GLCCI1: variants seen among roughly 807,000 people sequenced by gnomAD.
GLCCI1 encodes glucocorticoid induced 1.
In GLCCI1, 24 loss-of-function variants were observed where a neutral mutation model predicts 52.2. The observed-to-expected ratio is 0.46, with a 90% CI of 0.33 to 0.65. GLCCI1 has a LOEUF of 0.65. GLCCI1 is among the 30% of genes least tolerant of loss of function. GLCCI1 has a pLI of 0.02. For synonymous variants in GLCCI1, 310 were observed against 276.5 expected, an observed-to-expected ratio of 1.12 and a Z score of -1.20; for missense variants, 704 against 701.5, an observed-to-expected ratio of 1.00 and a Z score of -0.04.
intron 1 of GLCCI1, among the ~76,000 whole-genome samples, chr7:7,976,356 A>G (rs904182455): frequency 6.6e-6 from 1 of 151,322 alleles, no homozygotes; most frequent in Non-Finnish European, 1.5e-5. Context: ...GTACACCTCT[A>G]TAATCCCAGT....
chr7:8,073,529 G>C (rs1209363846), intron 6 of GLCCI1, among the ~76,000 whole-genome samples: 3 of 151,806 alleles, frequency 2.0e-5, no homozygotes, highest in African/African-American at 7.3e-5. Flanking sequence ...TGTAAAATGA[G>C]AACATTGGTT....
intron 5 of GLCCI1, among the ~76,000 whole-genome samples, chr7:8,061,354 C>G (rs1365643377): frequency 1.3e-5 from 2 of 152,130 alleles, no homozygotes; most frequent in African/African-American, 4.8e-5. Context: ...TCCACCTCGG[C>G]CTCCCAAAGT....
At chr7:7,984,206 A>G (rs37985) in intron 1 of GLCCI1, among the ~76,000 whole-genome samples, 114,390 of 151,996 alleles carry the variant, frequency 0.75, 43,471 homozygotes, top group African/African-American at 0.86. Context: ...GACCACAGGC[A>G]TGTGCCACCA....
chr7:8,041,153 A>G (rs984707736), intron 3 of GLCCI1, among the ~76,000 whole-genome samples: 1 of 152,190 alleles, frequency 6.6e-6, no homozygotes, highest in Non-Finnish European at 1.5e-5. Context: ...AACAAAGCAA[A>G]ACAGCATTAT....
chr7:7,977,357 G>C (rs1213678457), intron 1 of GLCCI1, among the ~76,000 whole-genome samples: 2 of 152,182 alleles, frequency 1.3e-5, no homozygotes, highest in Admixed American at 6.5e-5. Context: ...ATTTGCTTTT[G>C]GGATTATTTC....
rs141346816 is a variant in GLCCI1, at chr7:7,975,053, A to C, written c.457+5246A>C. ...ACAAGTACTCATATATTGATATAGAAAGCCTAGGGAACTGATGGAAGGCAG... is the reference window on the plus strand; with the variant it reads ...ACAAGTACTCATATATTGATATAGACAGCCTAGGGAACTGATGGAAGGCAG... On this transcript the variant is annotated intron_variant, in intron 1 of 7. Transcript: ENST00000223145. Among the ~76,000 whole-genome samples the C allele has an allele frequency of 3.0e-3, 459 of 152,280 alleles. 2 individuals are homozygous for C. The highest frequency in any genetic ancestry group is 0.011 in the African/African-American group (441 of 41,556).
chr7:8,077,051 G>C (rs1358361094), intron 6 of GLCCI1, among the ~76,000 whole-genome samples: 1 of 152,190 alleles, frequency 6.6e-6, no homozygotes, highest in Non-Finnish European at 1.5e-5. Flanking sequence ...TGGTGGGAAA[G>C]AGGCCATGAA....
chr7:7,969,743 C>T lies in GLCCI1; in HGVS notation c.393C>T (p.Ser131=). The change falls in exon 1 of 8, where the codon TCC becomes TCT. Residue 131 remains serine, a synonymous_variant. Transcript: ENST00000223145. This position sits in a 1 kb window ranked among gnomAD's most constrained non-coding sequence, Gnocchi z 4.9. ...APRAKGRPRR[S]PESHRRSSSP... is the part of the protein sequence containing the mutation. ...GGGCCAAGGGCCGCCCGAGACGGTC[C>T]CCAGAGAGCCACCGGAGGAGCAGCT... The T allele has an allele frequency of 1.4e-6, 2 of 1,467,864 alleles. No individual in the cohort carries two copies. The highest frequency in any genetic ancestry group is 9.0e-7 in the Non-Finnish European group (1 of 1,112,714). 90.9% of individuals were successfully genotyped at this position (1,467,864 alleles called of 1,614,324 possible). A position where few individuals can be genotyped will look rare whatever the true frequency, so the allele number is the denominator to read the frequency against.
At chr7:8,081,578 G>T (rs904458343) in intron 6 of GLCCI1, among the ~76,000 whole-genome samples, 9 of 151,960 alleles carry the variant, frequency 5.9e-5, no homozygotes, top group Middle Eastern at 3.2e-3. Flanking sequence ...AAGAAGTGTG[G>T]GCCCCACAAT....
intron 6 of GLCCI1, among the ~76,000 whole-genome samples, chr7:8,076,728 A>G (rs1367542583): frequency 2.0e-5 from 3 of 152,142 alleles, no homozygotes; most frequent in Non-Finnish European, 2.9e-5. Context: ...TTGTTTGTCT[A>G]TTTACCATGA....
At chr7:7,992,594 G>A (rs927162360) in intron 1 of GLCCI1, among the ~76,000 whole-genome samples, 25 of 151,888 alleles carry the variant, frequency 1.6e-4, no homozygotes, top group East Asian at 7.7e-4. Context: ...TGTCCTTTCC[G>A]TATGTCCTTT....
At position 7,969,909 on chromosome 7, in the gene GLCCI1, C is replaced by G. The variant is rs1052825825; in HGVS notation, c.457+102C>G. 1.2e-5 allele frequency: 14 copies of G among 1,124,628 alleles called. No individual in the cohort carries two copies. In the African/African-American group the frequency reaches 2.2e-4, roughly 18 times the overall value. The allele number at this position is 1,124,628 out of a possible 1,614,324, so 69.7% of individuals were successfully genotyped here. ...GGGCTTCTCTTTGCTAGTGCATTAT[C>G]GAAGGTGTGAAAGTGGCTTTGGGAA... On this transcript the variant is annotated intron_variant, in intron 1 of 7. Transcript: ENST00000223145. The surrounding 1 kb of genome is among the most constrained non-coding windows in gnomAD (Gnocchi z 4.9).
At chr7:8,064,518 T>C (rs1452982447) in intron 5 of GLCCI1, among the ~76,000 whole-genome samples, 1 of 152,184 alleles carries the variant, frequency 6.6e-6, no homozygotes, top group Non-Finnish European at 1.5e-5. Context: ...TAATATAGTA[T>C]GAAGTCAGGT....
intron 3 of GLCCI1, among the ~76,000 whole-genome samples, chr7:8,029,761 A>G (rs1300181421): frequency 6.6e-6 from 1 of 152,144 alleles, no homozygotes; most frequent in African/African-American, 2.4e-5. Context: ...CTATATTCTA[A>G]AAGTGAACAA....
In GLCCI1 at chr7:8,086,199, T is replaced by C; in HGVS notation, c.1305T>C (p.Arg435=). 1 of 1,609,386 alleles carries C rather than the reference T, an allele frequency of 6.2e-7. No homozygotes were observed. The highest frequency in any genetic ancestry group is 8.5e-7 in the Non-Finnish European group (1 of 1,178,576). ...RVKVFEEMAS[R]QPISAPLFSC... is the part of the protein sequence containing the mutation. ...TTTTGTTTTATGGTTTTAGGTCTCG[T>C]CAGCCTATCTCGGCCCCTCTCTTTT... The change falls in exon 8 of 8, where the codon CGT becomes CGC. Residue 435 remains arginine (R), a synonymous_variant. Coordinates refer to ENST00000223145, the MANE Select transcript of GLCCI1 (RefSeq NM_138426.4). The surrounding 1 kb of genome is among the most constrained non-coding windows in gnomAD (Gnocchi z 4.4).
At chr7:7,998,176 G>GTTTTTTTT (rs71014742) in intron 1 of GLCCI1, among the ~76,000 whole-genome samples, 1 of 143,680 alleles carries the variant, frequency 7.0e-6, no homozygotes, top group African/African-American at 2.5e-5. Flanking sequence ...AGTTTTTTTT[G>GTTTTTTTT]TTTTTTTTTT....
intron 3 of GLCCI1, among the ~76,000 whole-genome samples, chr7:8,028,949 C>T (rs1469683726): frequency 1.3e-5 from 2 of 151,974 alleles, no homozygotes; most frequent in Non-Finnish European, 2.9e-5. Flanking sequence ...AGAGATTGAA[C>T]CCATACTAAA....
intron 5 of GLCCI1, among the ~76,000 whole-genome samples, chr7:8,068,955 G>A (rs771111152): frequency 2.2e-4 from 34 of 152,162 alleles, no homozygotes; most frequent in Non-Finnish European, 4.6e-4. Context: ...CCTCTTAAGC[G>A]TAATGGCCAG....
chr7:8,083,853 T>C lies in GLCCI1; in HGVS notation c.1178-1044T>C, dbSNP rs191826914. 6.3e-3 allele frequency among the ~76,000 whole-genome samples: 954 copies of C among 152,336 alleles called. 11 individuals carry two copies. Among genetic ancestry groups the C allele is most frequent in the African/African-American group, 0.02 (815 of 41,584 alleles). On this transcript the variant is annotated intron_variant, in intron 6 of 7. Transcript: ENST00000223145. ...GCATGTGTTATAACTTCATTAATGA[T>C]GATAAAACATTCTTATTAGTCAGAT...
Sources: allele counts gnomAD v4.1 joint callset (sites outside exome capture counted in the v4.1 genomes callset), GRCh38; gene constraint gnomAD v4.1.1; non-coding constraint Gnocchi (gnomAD v3.1); transcripts MANE v1.5; gene names NCBI Gene and HGNC (gene_info 2026-07-23, HGNC 2026-07-21).